INSL6: variants seen among roughly 807,000 people sequenced by gnomAD.
INSL6 encodes the protein insulin like 6.
Under a neutral mutation model 9.4 loss-of-function variants are expected in INSL6, and 16 were observed. The observed-to-expected ratio is 1.70, with a 90% CI of 1.15 to 2.59. INSL6 has a LOEUF of 2.59. Among genes scored for constraint, INSL6 ranks in the 30% most tolerant of loss-of-function variants. The pLI, the probability that INSL6 is intolerant of heterozygous loss-of-function variation, is 0.00. For missense variants in INSL6, 391 were observed against 257.3 expected (o/e 1.52, Z -3.56); for synonymous variants, 154 against 96.9 (o/e 1.59, Z -3.46).
the INSL6 span, chr9:5,041,332 C>A: frequency 1.4e-6 from 1 of 704,444 alleles, no homozygotes; most frequent in Non-Finnish European, 2.5e-6. Flanking sequence ...AGCACAAGAG[C>A]TTGACAGGTA....
chr9:5,114,014 C>G, the INSL6 span: 2 of 303,102 alleles, frequency 6.6e-6, no homozygotes, highest in Non-Finnish European at 1.3e-5. Context: ...TGGATGTGAA[C>G]TGGTCCATCG....
the INSL6 span, among the ~76,000 whole-genome samples, chr9:5,003,626 C>T: frequency 6.6e-6 from 1 of 152,082 alleles, no homozygotes; most frequent in African/African-American, 2.4e-5. Context: ...AAATTTCCTA[C>T]ATATACAGAC....
At chr9:5,015,864 C>G in the INSL6 span, among the ~76,000 whole-genome samples, 2 of 152,104 alleles carry the variant, frequency 1.3e-5, no homozygotes, top group South Asian at 4.1e-4. Flanking sequence ...CCTTTCTGTT[C>G]TAAACACGAT....
the INSL6 span, among the ~76,000 whole-genome samples, chr9:5,106,107 A>G: frequency 6.6e-6 from 1 of 152,328 alleles, no homozygotes; most frequent in East Asian, 1.9e-4. Context: ...ACAAACTACC[A>G]TTAGAGTGGA....
At chr9:5,180,393 T>C (rs149742145) in intron 1 of INSL6, among the ~76,000 whole-genome samples, 1,766 of 152,248 alleles carry the variant, frequency 0.012, 27 homozygotes, top group African/African-American at 0.041. Flanking sequence ...GCCTGCGGGG[T>C]TGGGCAAAAA....
chr9:4,998,945 C>T, the INSL6 span, among the ~76,000 whole-genome samples: 4 of 151,820 alleles, frequency 2.6e-5, no homozygotes, highest in East Asian at 1.9e-4. Flanking sequence ...CCTCAGCCTC[C>T]GGAGTAGCTG....
At chr9:5,124,589 CTAA>C (rs769957149) in intron 3 of INSL6, among the ~76,000 whole-genome samples, 3 of 151,762 alleles carry the variant, frequency 2.0e-5, no homozygotes, top group South Asian at 2.1e-4. Flanking sequence ...AAAAAGAGCC[CTAA>C]TAGCAAAAGC....
At chr9:5,127,184 A>C in intron 3 of INSL6, 1 of 236,174 alleles carries the variant, frequency 4.2e-6, no homozygotes, top group African/African-American at 2.2e-5. Flanking sequence ...TGGATGTATA[A>C]TACCTTGGCA....
chr9:5,171,855 A>G (rs1199346732), intron 1 of INSL6, among the ~76,000 whole-genome samples: 1 of 152,242 alleles, frequency 6.6e-6, no homozygotes, highest in Non-Finnish European at 1.5e-5. Context: ...AAACAAAAAA[A>G]AATTCCATGT....
chr9:5,085,751 A>G, the INSL6 span: 7 of 755,238 alleles, frequency 9.3e-6, no homozygotes, highest in African/African-American at 1.7e-5. Context: ...CGCGCTGGCT[A>G]GCTTGCACAT....
At chr9:5,175,365 C>T (rs949158053) in intron 1 of INSL6, among the ~76,000 whole-genome samples, 4 of 152,202 alleles carry the variant, frequency 2.6e-5, no homozygotes, top group African/African-American at 9.6e-5. Flanking sequence ...CCTAACAGGT[C>T]TCTCTGTTTC....
At chr9:5,105,928 A>C in the INSL6 span, among the ~76,000 whole-genome samples, 2 of 152,252 alleles carry the variant, frequency 1.3e-5, no homozygotes, top group Non-Finnish European at 2.9e-5. Flanking sequence ...TGGATTAAAG[A>C]CTTAAATGTT....
At chr9:5,185,274 T>A (rs546152981) in intron 1 of INSL6, 40 bp downstream of exon 1, 2 of 1,613,226 alleles carry the variant, frequency 1.2e-6, no homozygotes, top group South Asian at 2.2e-5. Context: ...ATAAGAAATA[T>A]ACAGAGGTGA....
intron 2 of INSL6, among the ~76,000 whole-genome samples, chr9:5,136,483 C>T (rs1208703052): frequency 6.6e-6 from 1 of 151,862 alleles, no homozygotes; most frequent in Non-Finnish European, 1.5e-5. Flanking sequence ...AATCAATAAA[C>T]GTAATCCATC....
At chr9:5,137,104 A>C (rs1454577304) in intron 2 of INSL6, among the ~76,000 whole-genome samples, 1 of 152,228 alleles carries the variant, frequency 6.6e-6, no homozygotes, top group African/African-American at 2.4e-5. Context: ...ACCACTGCTC[A>C]AGGAAATAAG....
chr9:5,144,908 G>T (rs953274055), intron 2 of INSL6, among the ~76,000 whole-genome samples: 4 of 152,118 alleles, frequency 2.6e-5, no homozygotes, highest in Non-Finnish European at 4.4e-5. Flanking sequence ...AATGGGTCTT[G>T]GTTCTTTATC....
At chr9:5,109,574 A>G in the INSL6 span, 1 of 152,178 alleles carries the variant, frequency 6.6e-6, no homozygotes, top group African/African-American at 2.4e-5. Flanking sequence ...CCCCTGCAAA[A>G]GAAGATTCAT....
chr9:5,030,598 G>T, the INSL6 span, among the ~76,000 whole-genome samples: 1 of 152,090 alleles, frequency 6.6e-6, no homozygotes, highest in Non-Finnish European at 1.5e-5. Flanking sequence ...GGTCACACAG[G>T]TAGGAATTGG....
the INSL6 span, among the ~76,000 whole-genome samples, chr9:5,049,128 T>G: frequency 2.0e-5 from 3 of 152,222 alleles, no homozygotes; most frequent in Non-Finnish European, 4.4e-5. Flanking sequence ...TTCTGTTTCC[T>G]GGATCAGATC....
Sources: allele counts gnomAD v4.1 joint callset (sites outside exome capture counted in the v4.1 genomes callset), GRCh38; gene constraint gnomAD v4.1.1; transcripts MANE v1.5; gene names NCBI Gene and HGNC (gene_info 2026-07-23, HGNC 2026-07-21).